LMOD1: variants seen among roughly 807,000 people sequenced by gnomAD.
LMOD1 encodes the protein leiomodin 1.
Under a neutral mutation model 36.5 loss-of-function variants are expected in LMOD1, and 8 were observed. The observed-to-expected ratio is 0.22, with a 90% CI of 0.13 to 0.40. The LOEUF is 0.40. Among genes scored for constraint, LMOD1 ranks in the 10% least tolerant of loss-of-function variants. The pLI, the probability that LMOD1 is intolerant of heterozygous loss-of-function variation, is 1.00. For missense variants in LMOD1, 630 were observed against 751.1 expected (o/e 0.84, Z 1.88); for synonymous variants, 284 against 288.7 (o/e 0.98, Z 0.17).
chr1:201,935,585 C>T (rs1487331189), intron 1 of LMOD1, among the ~76,000 whole-genome samples: 1 of 151,890 alleles, frequency 6.6e-6, no homozygotes, highest in Non-Finnish European at 1.5e-5. Flanking sequence ...TTTTGACAGT[C>T]TCACTCTGTC....
In LMOD1 at chr1:201,899,909, G is replaced by A. The variant is rs770583517; in HGVS notation, c.1104C>T (p.Asn368=). Residue 368 remains asparagine (N), a synonymous_variant, in exon 2 of 3, where the codon AAC becomes AAT. Transcript: ENST00000367288. The surrounding 1 kb of genome is among the most constrained non-coding windows in gnomAD (Gnocchi z 6.3). ...AGGCCACGTGGTCATCGGCTCGCGTGTTGGCCAAGGCGAACAGCTTAACCA... is the reference window on the plus strand; with the variant it reads ...AGGCCACGTGGTCATCGGCTCGCGTATTGGCCAAGGCGAACAGCTTAACCA... ...NTVVKLFALA[N]TRADDHVAFA... is the part of the protein sequence containing the mutation. 1.9e-6 allele frequency: 3 copies of A among 1,613,816 alleles called. No individual in the cohort carries two copies. The highest frequency in any genetic ancestry group is 2.5e-6 in the Non-Finnish European group (3 of 1,179,870).
chr1:201,900,180 T>G lies in LMOD1; in HGVS notation c.833A>C (p.His278Pro). The G allele has an allele frequency of 6.2e-7, 1 of 1,613,996 alleles. No individual in the cohort carries two copies. Among genetic ancestry groups the G allele is most frequent in the Non-Finnish European group, 8.5e-7 (1 of 1,179,894 alleles). Residue 278 changes from histidine to proline, a missense_variant, in exon 2 of 3, where the codon CAT becomes CCT. Around this residue, in one of 3 missense-constraint regions of LMOD1, gnomAD observed 405 missense variants for 400.6 expected, o/e 1.01. Coordinates refer to ENST00000367288, the MANE Select transcript of LMOD1 (RefSeq NM_012134.3). ...DEKVKKNEPL[H>P]EKEAKDDSKT... ...GCTGTCATCCTTGGCTTCCTTTTCA[T>G]GTAAGGGTTCATTCTTCTTGACTTT...
intron 1 of LMOD1, among the ~76,000 whole-genome samples, chr1:201,933,720 G>GT (rs1681970031): frequency 6.7e-6 from 1 of 150,340 alleles, no homozygotes; most frequent in African/African-American, 2.4e-5. Context: ...ACAACATTCA[G>GT]TTTCTTGTTC....
intron 1 of LMOD1, among the ~76,000 whole-genome samples, chr1:201,940,837 CT>C (rs1278435148): frequency 1.3e-5 from 2 of 151,842 alleles, no homozygotes; most frequent in African/African-American, 2.4e-5. Flanking sequence ...TAACCTCCGC[CT>C]CCCGGGTTCA....
chr1:201,925,048 T>C (rs546338650), intron 1 of LMOD1, among the ~76,000 whole-genome samples: 50 of 152,228 alleles, frequency 3.3e-4, no homozygotes, highest in Admixed American at 2.2e-3. Flanking sequence ...AAACGCTGTC[T>C]CTACTAAAAA....
intron 1 of LMOD1, among the ~76,000 whole-genome samples, chr1:201,933,339 G>A (rs999519194): frequency 2.6e-5 from 4 of 151,168 alleles, no homozygotes; most frequent in South Asian, 2.1e-4. Context: ...GCGTGAACCC[G>A]GAAGGTGGAG....
At chr1:201,911,908 C>G (rs191005100) in intron 1 of LMOD1, among the ~76,000 whole-genome samples, 1 of 152,098 alleles carries the variant, frequency 6.6e-6, no homozygotes, top group South Asian at 2.1e-4. Context: ...AGAGGCAACC[C>G]GAAGAATACA....
intron 1 of LMOD1, among the ~76,000 whole-genome samples, chr1:201,919,789 T>TA (rs1382400501): frequency 6.6e-6 from 1 of 152,222 alleles, no homozygotes; most frequent in Non-Finnish European, 1.5e-5. Context: ...ATGTGCCTTC[T>TA]GGATCTTTTT....
chr1:201,938,194 A>G (rs1336339247), intron 1 of LMOD1, among the ~76,000 whole-genome samples: 1 of 148,822 alleles, frequency 6.7e-6, no homozygotes, highest in Non-Finnish European at 1.5e-5. Flanking sequence ...CAATGGCACC[A>G]TCTCAGCTCA....
At chr1:201,920,884 A>C (rs1380533542) in intron 1 of LMOD1, among the ~76,000 whole-genome samples, 1 of 152,144 alleles carries the variant, frequency 6.6e-6, no homozygotes, top group East Asian at 1.9e-4. Context: ...ATAAATAAAT[A>C]AATAAAAAAG....
intron 1 of LMOD1, among the ~76,000 whole-genome samples, chr1:201,930,984 G>A (rs562422889): frequency 4.6e-5 from 7 of 152,230 alleles, no homozygotes; most frequent in Non-Finnish European, 1.0e-4. Flanking sequence ...CCTCATCAAG[G>A]CTGATGTCTG....
At chr1:201,901,592 ATATG>A (rs1160828780) in intron 1 of LMOD1, among the ~76,000 whole-genome samples, 5 of 9,100 alleles carry the variant, frequency 5.5e-4, no homozygotes, top group Admixed American at 1.9e-3. Context: ...ATACATATAT[ATATG>A]TATATATATA....
intron 1 of LMOD1, among the ~76,000 whole-genome samples, chr1:201,928,106 G>C (rs1681859200): frequency 6.6e-6 from 1 of 152,216 alleles, no homozygotes; most frequent in South Asian, 2.1e-4. Flanking sequence ...GGATAATGCA[G>C]CAATAAGGTC....
chr1:201,931,436 G>A (rs1470662707), intron 1 of LMOD1, among the ~76,000 whole-genome samples: 2 of 151,370 alleles, frequency 1.3e-5, no homozygotes, highest in African/African-American at 4.9e-5. Context: ...TCAGGAGGCT[G>A]AGGCATGAGA....
intron 1 of LMOD1, among the ~76,000 whole-genome samples, chr1:201,904,329 G>A (rs1165527783): frequency 6.6e-6 from 1 of 152,122 alleles, no homozygotes; most frequent in Non-Finnish European, 1.5e-5. Flanking sequence ...TCCTGCCTCA[G>A]CCTCCCAAGT....
intron 1 of LMOD1, among the ~76,000 whole-genome samples, chr1:201,941,046 C>A (rs1353569150): frequency 6.6e-6 from 1 of 150,810 alleles, no homozygotes; most frequent in Non-Finnish European, 1.5e-5. Flanking sequence ...CGTGCCTGGC[C>A]ATTTTTTTTT....
chr1:201,899,502 A>C lies in LMOD1; in HGVS notation c.1511T>G (p.Val504Gly). The C allele has an allele frequency of 6.2e-7, 1 of 1,613,950 alleles. No individual in the cohort carries two copies. The highest frequency in any genetic ancestry group is 8.5e-7 in the Non-Finnish European group (1 of 1,179,872). Residue 504 changes from valine to glycine, a missense_variant, in exon 2 of 3, where the codon GTG (valine) becomes GGG (glycine). Val to Gly is a moderately radical substitution (Grantham distance 109). Coordinates refer to ENST00000367288, the MANE Select transcript of LMOD1 (RefSeq NM_012134.3). This position sits in a 1 kb window ranked among gnomAD's most constrained non-coding sequence, Gnocchi z 6.3. ...DLLEVPKAGAVAKGSPKPSPQ... is the reference protein window; with the variant it reads ...DLLEVPKAGAGAKGSPKPSPQ... ...TGAAGGTTTTGGGGAGCCCTTAGCC[A>C]CGGCCCCGGCCTTGGGTACCTCCAG...
At chr1:201,917,950 G>A (rs930016664) in intron 1 of LMOD1, among the ~76,000 whole-genome samples, 3 of 152,222 alleles carry the variant, frequency 2.0e-5, no homozygotes, top group African/African-American at 7.2e-5. Flanking sequence ...TATGGTGTCT[G>A]ACCTCTGCAG....
intron 1 of LMOD1, among the ~76,000 whole-genome samples, chr1:201,901,861 C>A (rs887218311): frequency 1.3e-5 from 2 of 148,534 alleles, no homozygotes; most frequent in African/African-American, 4.9e-5. Flanking sequence ...TAAGGCAATA[C>A]ATTTCCAAAG....
Sources: allele counts gnomAD v4.1 joint callset (sites outside exome capture counted in the v4.1 genomes callset), GRCh38; gene constraint gnomAD v4.1.1; regional missense constraint gnomAD v4.1.1; non-coding constraint Gnocchi (gnomAD v3.1); transcripts MANE v1.5; gene names NCBI Gene and HGNC (gene_info 2026-07-23, HGNC 2026-07-21).